The following KCNMB2 variants were observed in gnomAD, a reference collection of about 807,000 sequenced individuals.
KCNMB2 encodes calcium-activated potassium channel subunit beta-2.
A neutral mutation model predicts 24.5 loss-of-function variants in KCNMB2; 9 were observed. The ratio of observed to expected loss-of-function variants is 0.37; its 90% CI spans 0.22 to 0.64. The LOEUF (loss-of-function observed/expected upper bound fraction) is 0.64, where lower values mean the gene tolerates loss of function less well. KCNMB2 is among the 30% of genes least tolerant of loss of function. The pLI is 0.63. For synonymous variants in KCNMB2, 109 were observed against 104.4 expected, an observed-to-expected ratio of 1.04 and a Z score of -0.27; for missense variants, 226 against 284.3, an observed-to-expected ratio of 0.79 and a Z score of 1.47.
At chr3:178,806,085 C>T (rs529370455) in intron 1 of KCNMB2, among the ~76,000 whole-genome samples, 3 of 152,248 alleles carry the variant, frequency 2.0e-5, no homozygotes, top group Admixed American at 6.5e-5. Context: ...GCTATGACTG[C>T]GCATGTGAAT....
chr3:178,561,665 T>C (rs1311028969), intron 1 of KCNMB2, among the ~76,000 whole-genome samples: 2 of 152,216 alleles, frequency 1.3e-5, no homozygotes, highest in Non-Finnish European at 2.9e-5. Flanking sequence ...TTTTACCTTT[T>C]GCAAAATTCC....
intron 1 of KCNMB2, among the ~76,000 whole-genome samples, chr3:178,612,800 A>G (rs543752509): frequency 6.6e-6 from 1 of 152,140 alleles, no homozygotes; most frequent in South Asian, 2.1e-4. Flanking sequence ...TGGTTGTTTT[A>G]TGATCTCCTT....
intron 1 of KCNMB2, among the ~76,000 whole-genome samples, chr3:178,691,709 A>C (rs558814393): frequency 6.6e-6 from 1 of 152,308 alleles, no homozygotes; most frequent in East Asian, 1.9e-4. Flanking sequence ...ATAGTGCTGC[A>C]ATGAACATAC....
chr3:178,561,967 T>C (rs1716331984), intron 1 of KCNMB2, among the ~76,000 whole-genome samples: 1 of 152,256 alleles, frequency 6.6e-6, no homozygotes. Context: ...AATTCAGTTA[T>C]CCACTTTGGT....
chr3:178,629,259 A>T (rs1719227654), intron 1 of KCNMB2, among the ~76,000 whole-genome samples: 1 of 152,086 alleles, frequency 6.6e-6, no homozygotes, highest in Non-Finnish European at 1.5e-5. Context: ...CATTCTACTC[A>T]TCTGGATTTG....
chr3:178,600,540 G>A (rs1017805115), intron 1 of KCNMB2, among the ~76,000 whole-genome samples: 9 of 152,144 alleles, frequency 5.9e-5, no homozygotes, highest in Non-Finnish European at 1.5e-5. Flanking sequence ...CACATAAAAA[G>A]CAGCTTTATC....
At chr3:178,574,167 C>T (rs1716908050) in intron 1 of KCNMB2, among the ~76,000 whole-genome samples, 2 of 152,052 alleles carry the variant, frequency 1.3e-5, no homozygotes, top group African/African-American at 4.8e-5. Context: ...TCTAAGAACA[C>T]GGAAACCAAG....
At chr3:178,661,836 A>G (rs1409158281) in intron 1 of KCNMB2, among the ~76,000 whole-genome samples, 2 of 152,176 alleles carry the variant, frequency 1.3e-5, no homozygotes, top group Admixed American at 6.5e-5. Context: ...CATGTCTTTA[A>G]TTCATTGAAT....
chr3:178,658,178 G>A (rs1046473505), intron 1 of KCNMB2, among the ~76,000 whole-genome samples: 1 of 152,304 alleles, frequency 6.6e-6, no homozygotes, highest in African/African-American at 2.4e-5. Flanking sequence ...TGATGACAAA[G>A]ACATAGATGA....
intron 1 of KCNMB2, chr3:178,757,155 G>C (rs1577154235): frequency 6.9e-6 from 1 of 144,016 alleles, no homozygotes; most frequent in Non-Finnish European, 1.5e-5. Flanking sequence ...AGAAAATTTA[G>C]CTAAGATTGA....
At chr3:178,758,441 TACACACACAAGAGGTG>T (rs1724304819) in intron 1 of KCNMB2, among the ~76,000 whole-genome samples, 2 of 54,082 alleles carry the variant, frequency 3.7e-5, no homozygotes, top group African/African-American at 6.9e-5. Flanking sequence ...TATATATATA[TACACACACAAGAGGTG>T]ATATATATAC....
intron 1 of KCNMB2, among the ~76,000 whole-genome samples, chr3:178,691,641 T>C (rs957917275): frequency 6.6e-6 from 1 of 152,248 alleles, no homozygotes; most frequent in African/African-American, 2.4e-5. Context: ...CCACATGTTA[T>C]TTATCCAGTC....
intron 1 of KCNMB2, among the ~76,000 whole-genome samples, chr3:178,713,776 A>G (rs1029684489): frequency 6.6e-6 from 1 of 152,200 alleles, no homozygotes; most frequent in African/African-American, 2.4e-5. Flanking sequence ...TATCTTTAGT[A>G]CAATTTAATG....
chr3:178,625,778 T>C (rs1282607421), intron 1 of KCNMB2, among the ~76,000 whole-genome samples: 1 of 152,208 alleles, frequency 6.6e-6, no homozygotes, highest in Non-Finnish European at 1.5e-5. Flanking sequence ...ATCAGTGTAG[T>C]ATATGCTCAA....
intron 1 of KCNMB2, among the ~76,000 whole-genome samples, chr3:178,729,772 A>T (rs190892666): frequency 1.2e-3 from 178 of 152,282 alleles, no homozygotes; most frequent in Middle Eastern, 6.8e-3. Flanking sequence ...TTTCCCAGGC[A>T]CTTCCTGGAA....
chr3:178,728,562 G>A (rs1352649164), intron 1 of KCNMB2, among the ~76,000 whole-genome samples: 2 of 152,020 alleles, frequency 1.3e-5, no homozygotes, highest in Admixed American at 6.6e-5. Flanking sequence ...GATCAGCTTT[G>A]GGATGAATCT....
At chr3:178,718,811 C>G (rs916683992) in intron 1 of KCNMB2, among the ~76,000 whole-genome samples, 1 of 152,160 alleles carries the variant, frequency 6.6e-6, no homozygotes, top group Admixed American at 6.6e-5. Context: ...ATGCATCTTA[C>G]TGACCTAAGC....
At chr3:178,838,596 T>G (rs1227919864) in intron 4 of KCNMB2, among the ~76,000 whole-genome samples, 3 of 150,886 alleles carry the variant, frequency 2.0e-5, no homozygotes, top group African/African-American at 4.9e-5. Context: ...GCAAGGTGCC[T>G]GTGTGCCCAC....
intron 1 of KCNMB2, among the ~76,000 whole-genome samples, chr3:178,589,464 T>C (rs185614317): frequency 1.3e-5 from 2 of 151,056 alleles, no homozygotes; most frequent in Non-Finnish European, 1.5e-5. Context: ...GAGGGGGAGG[T>C]TGTGTTTTTT....
Sources: gnomAD v4.1 joint callset for allele counts (sites outside exome capture counted in the v4.1 genomes callset) on GRCh38, gnomAD v4.1.1 for gene constraint, MANE v1.5 for transcripts, NCBI Gene and HGNC (gene_info 2026-07-23, HGNC 2026-07-21) for gene names.